SLC24A2: variants seen among roughly 807,000 people sequenced by gnomAD.
SLC24A2 encodes the protein solute carrier family 24 member 2.
Under a neutral mutation model 62.0 loss-of-function variants are expected in SLC24A2, and 36 were observed. The observed-to-expected ratio is 0.58, with a 90% CI of 0.44 to 0.77. The LOEUF (loss-of-function observed/expected upper bound fraction) is 0.77. Ranked by LOEUF, SLC24A2 falls within the 30% of genes least tolerant of loss-of-function variation. SLC24A2 has a pLI of 0.00. For missense variants in SLC24A2, 846 were observed against 817.9 expected (o/e 1.03, Z -0.42); for synonymous variants, 358 against 294.0 (o/e 1.22, Z -2.23).
intron 2 of SLC24A2, among the ~76,000 whole-genome samples, chr9:19,669,359 A>G (rs916433195): frequency 1.3e-5 from 2 of 152,188 alleles, no homozygotes; most frequent in Non-Finnish European, 2.9e-5. Context: ...AGAACCCAGC[A>G]ATACTAACGG....
chr9:19,974,808 T>A, the SLC24A2 span, among the ~76,000 whole-genome samples: 2 of 152,332 alleles, frequency 1.3e-5, no homozygotes, highest in African/African-American at 4.8e-5. Flanking sequence ...GTAAAAGTAC[T>A]TTCCAAACTA....
chr9:19,581,619 T>C (rs1836212788), intron 5 of SLC24A2, among the ~76,000 whole-genome samples: 1 of 152,200 alleles, frequency 6.6e-6, no homozygotes, highest in South Asian at 2.1e-4. Context: ...TGGAAGTAGA[T>C]GACAGGAAAT....
At chr9:19,790,702 A>C (rs1359278182), upstream of SLC24A2, among the ~76,000 whole-genome samples, 2 of 152,138 alleles carry the variant, frequency 1.3e-5, no homozygotes, top group Non-Finnish European at 1.5e-5. Flanking sequence ...ACAATTGTGC[A>C]TTTATTTTGC....
At chr9:19,950,697 G>A in the SLC24A2 span, among the ~76,000 whole-genome samples, 1 of 152,172 alleles carries the variant, frequency 6.6e-6, no homozygotes, top group African/African-American at 2.4e-5. Context: ...CCCTCATGAA[G>A]TTCATATTCT....
At chr9:19,739,566 A>G (rs540046781) in intron 2 of SLC24A2, among the ~76,000 whole-genome samples, 4 of 152,338 alleles carry the variant, frequency 2.6e-5, no homozygotes, top group African/African-American at 9.6e-5. Context: ...TGCAGTGAGG[A>G]AATAATAATC....
chr9:19,692,122 T>G (rs145747474), intron 2 of SLC24A2, among the ~76,000 whole-genome samples: 354 of 152,276 alleles, frequency 2.3e-3, no homozygotes, highest in African/African-American at 7.5e-3. Flanking sequence ...AGATACCAAA[T>G]GTCATACTTA....
Position 19,507,835 on chromosome 9 carries a change from T to TA in SLC24A2, c.*8317dup. The stretch of plus-strand genomic sequence containing the variant: ...GAGGATAGGGGTTACAATGCTCCTT[T>TA]AAAACGGAGGCGAACAAAGGAAGCA... On this transcript the variant is annotated 3_prime_UTR_variant, in exon 11 of 11. Transcript: ENST00000341998. The TA allele has an allele frequency of 6.6e-6, 1 of 152,326 alleles. No individual in the cohort carries two copies. The highest frequency in any genetic ancestry group is 2.4e-5 in the African/African-American group (1 of 41,580). 9.4% of individuals were successfully genotyped at this position (152,326 alleles called of 1,614,324 possible). A position where few individuals can be genotyped will look rare whatever the true frequency, so the allele number is the denominator to read the frequency against.
chr9:19,746,254 A>T (rs1821830620), intron 2 of SLC24A2, among the ~76,000 whole-genome samples: 1 of 152,082 alleles, frequency 6.6e-6, no homozygotes, highest in Admixed American at 6.6e-5. Context: ...AAGAAATTTA[A>T]ATAATTATTT....
chr9:19,861,176 G>C, the SLC24A2 span, among the ~76,000 whole-genome samples: 1 of 152,180 alleles, frequency 6.6e-6, no homozygotes, highest in East Asian at 1.9e-4. Context: ...TACACTCCTA[G>C]GGATGGTGGC....
At chr9:19,741,385 G>T (rs1821672716) in intron 2 of SLC24A2, among the ~76,000 whole-genome samples, 2 of 152,098 alleles carry the variant, frequency 1.3e-5, no homozygotes, top group Admixed American at 6.5e-5. Flanking sequence ...CTGATTTTTT[G>T]GGATTCGTCC....
At chr9:19,531,870 T>A (rs1027079603) in intron 8 of SLC24A2, among the ~76,000 whole-genome samples, 12 of 152,158 alleles carry the variant, frequency 7.9e-5, no homozygotes, top group African/African-American at 2.9e-4. Flanking sequence ...TCTAGTTGTT[T>A]TGAGGACTTC....
At chr9:20,199,062 C>T in the SLC24A2 span, among the ~76,000 whole-genome samples, 1 of 152,124 alleles carries the variant, frequency 6.6e-6, no homozygotes, top group African/African-American at 2.4e-5. Flanking sequence ...GATGTATGGA[C>T]CTTTTTCTAC....
chr9:20,064,134 G>A, the SLC24A2 span, among the ~76,000 whole-genome samples: 21 of 152,112 alleles, frequency 1.4e-4, no homozygotes, highest in Non-Finnish European at 1.8e-4. Flanking sequence ...ATATTTGTCA[G>A]CAATTGAAAG....
At chr9:19,835,261 A>C in the SLC24A2 span, among the ~76,000 whole-genome samples, 1 of 152,226 alleles carries the variant, frequency 6.6e-6, no homozygotes, top group Non-Finnish European at 1.5e-5. Context: ...AAATGCTCCA[A>C]TTAAAAGGAA....
rs74973485 is a variant in SLC24A2, at chr9:19,632,389, C to T, written c.931-10090G>A. ...ATGTTTAATGAGCATCTTATATGTG[C>T]TACATTTTTCTAGGTGCAGGGATAA... On this transcript the variant is annotated intron_variant, in intron 2 of 10. Transcript: ENST00000341998. This position sits in a 1 kb window ranked among gnomAD's most constrained non-coding sequence, Gnocchi z 4.5. Among the ~76,000 whole-genome samples, 2,517 of 152,266 alleles carry T rather than the reference C, an allele frequency of 0.017. 49 individuals are homozygous for T. The highest frequency in any genetic ancestry group is 0.093 in the East Asian group (480 of 5,162).
the SLC24A2 span, among the ~76,000 whole-genome samples, chr9:20,177,317 C>T: frequency 1.3e-5 from 2 of 152,132 alleles, no homozygotes; most frequent in Non-Finnish European, 2.9e-5. Context: ...CCTGTTATTA[C>T]CGTATTTACT....
intron 2 of SLC24A2, among the ~76,000 whole-genome samples, chr9:19,684,503 C>A (rs1328616903): frequency 1.3e-5 from 2 of 151,930 alleles, no homozygotes; most frequent in East Asian, 1.9e-4. Flanking sequence ...CCTTAAAGAC[C>A]CACACTACAA....
the SLC24A2 span, chr9:19,928,725 C>T: frequency 6.6e-6 from 1 of 152,160 alleles, no homozygotes; most frequent in Non-Finnish European, 1.5e-5. Flanking sequence ...TCACATTTTA[C>T]CAGTGAGGAA....
At position 19,745,021 on chromosome 9, in the gene SLC24A2, G is replaced by A. The variant is rs139814098; in HGVS notation, c.930+40916C>T. ...TTGAAATGTGACCTAGCATGTTGGA[G>A]GGGATCCTAGTGGGAGGTGCTGGAT... On this transcript the variant is annotated intron_variant, in intron 2 of 10. Transcript: ENST00000341998. 1.1e-3 allele frequency among the ~76,000 whole-genome samples: 170 copies of A among 152,292 alleles called. 4 individuals carry two copies. The East Asian group carries it at 0.031, about 28-fold the overall frequency.
Sources: gnomAD v4.1 joint callset for allele counts (sites outside exome capture counted in the v4.1 genomes callset) on GRCh38, gnomAD v4.1.1 for gene constraint, Gnocchi (gnomAD v3.1) non-coding constraint, MANE v1.5 for transcripts, NCBI Gene and HGNC (gene_info 2026-07-23, HGNC 2026-07-21) for gene names.